PCLO: variants seen among roughly 807,000 people sequenced by gnomAD.
PCLO encodes protein piccolo.
PCLO carries 82 observed loss-of-function variants against 427.5 expected under a neutral mutation model. The ratio of observed to expected loss-of-function variants is 0.19; its 90% confidence interval spans 0.16 to 0.23. PCLO has a LOEUF of 0.23. Among genes scored for constraint, PCLO ranks in the 10% least tolerant of loss-of-function variants. The pLI is 1.00. For synonymous variants in PCLO, 2,357 were observed against 2,155.4 expected, an observed-to-expected ratio of 1.09 and a Z score of -2.59; for missense variants, 6,239 against 6,115.9, an observed-to-expected ratio of 1.02 and a Z score of -0.67.
intron 3 of PCLO, among the ~76,000 whole-genome samples, chr7:83,083,794 G>GC (rs1310090388): frequency 6.6e-6 from 1 of 152,070 alleles, no homozygotes; most frequent in African/African-American, 2.4e-5. Flanking sequence ...AAACATATTT[G>GC]CAACTATTGG....
chr7:83,124,835 G>C (rs755108803), intron 3 of PCLO, among the ~76,000 whole-genome samples: 8 of 151,996 alleles, frequency 5.3e-5, no homozygotes, highest in Non-Finnish European at 1.2e-4. Flanking sequence ...CTGCGATCTC[G>C]GCTCACTGCA....
intron 13 of PCLO, among the ~76,000 whole-genome samples, chr7:82,841,951 AC>A (rs1792378745): frequency 6.6e-6 from 1 of 152,000 alleles, no homozygotes. Context: ...AATGCTCAGC[AC>A]CTCCCTGCTC....
rs1795288887 is a variant in PCLO at position 82,949,763 on chromosome 7, T to A, written c.10825A>T (p.Thr3609Ser). Residue 3609 changes from threonine (T) to serine (S), a missense_variant, in exon 6 of 25, where the codon ACA becomes TCA. Thr to Ser is a moderately conservative substitution (Grantham distance 58, BLOSUM62 1). Coordinates refer to ENST00000333891, the MANE Select transcript of PCLO (RefSeq NM_033026.6). The stretch of plus-strand genomic sequence containing the variant: ...GGTGGGGAAGGAGCCAGCTGTACTG[T>A]GGAATCTGCCCGGAGGTGAGATGAA... ...GYSSHLRADS[T>S]VQLAPSPPKS... 6.2e-7 allele frequency: 1 copy of A among 1,613,694 alleles called. No homozygotes were observed. Among genetic ancestry groups the A allele is most frequent in the Admixed American group, 1.7e-5 (1 of 59,988 alleles).
In PCLO at chr7:82,915,730, G is replaced by A. The variant is rs144049676; in HGVS notation, c.12256C>T (p.Arg4086Cys). 14 of 1,611,972 alleles carry A rather than the reference G, an allele frequency of 8.7e-6. No homozygotes were observed. The highest frequency in any genetic ancestry group is 1.7e-5 in the Admixed American group (1 of 59,696). Reference protein sequence around the residue: ...TDRLLRTTETRRSQEVTDFLA... With the variant: ...TDRLLRTTETCRSQEVTDFLA... Reference sequence around the variant, plus strand: ...AAATCTGTCACTTCTTGAGACCGGCGTGTCTCAGTGGTTCGAAGGAGACGG... The same window carrying A: ...AAATCTGTCACTTCTTGAGACCGGCATGTCTCAGTGGTTCGAAGGAGACGG... Residue 4086 changes from arginine to cysteine, a missense_variant, in exon 7 of 25, where the codon CGC becomes TGC. Transcript: ENST00000333891.
chr7:82,813,064 A>G (rs1791605904), intron 20 of PCLO, among the ~76,000 whole-genome samples: 1 of 151,756 alleles, frequency 6.6e-6, no homozygotes, highest in Non-Finnish European at 1.5e-5. Context: ...GATAACAAGA[A>G]TGCTGTCCTT....
intron 3 of PCLO, among the ~76,000 whole-genome samples, chr7:83,129,416 G>A (rs1791517319): frequency 6.6e-6 from 1 of 151,880 alleles, no homozygotes; most frequent in African/African-American, 2.4e-5. Flanking sequence ...AAAATATAAG[G>A]CAAAGGAACA....
intron 3 of PCLO, among the ~76,000 whole-genome samples, chr7:82,989,111 AC>A (rs1165272344): frequency 6.6e-6 from 1 of 152,144 alleles, no homozygotes; most frequent in Non-Finnish European, 1.5e-5. Context: ...GGCATGAGCC[AC>A]TGCGCTTGGC....
At chr7:83,051,707 A>C (rs960179521) in intron 3 of PCLO, among the ~76,000 whole-genome samples, 1 of 152,162 alleles carries the variant, frequency 6.6e-6, no homozygotes, top group African/African-American at 2.4e-5. Context: ...AACTAATTCT[A>C]AAGTTTGTAT....
At chr7:83,112,241 A>G (rs1791022469) in intron 3 of PCLO, among the ~76,000 whole-genome samples, 1 of 152,086 alleles carries the variant, frequency 6.6e-6, no homozygotes, top group South Asian at 2.1e-4. Context: ...TACTTTTAGT[A>G]GAGATAGGGT....
chr7:82,922,714 C>T (rs910755417), intron 6 of PCLO, among the ~76,000 whole-genome samples: 2 of 152,040 alleles, frequency 1.3e-5, no homozygotes, highest in Admixed American at 6.6e-5. Context: ...CAAACCTGCA[C>T]ATGTACCCTC....
intron 16 of PCLO, among the ~76,000 whole-genome samples, chr7:82,832,228 C>A (rs1183875448): frequency 1.3e-5 from 2 of 151,964 alleles, no homozygotes; most frequent in Non-Finnish European, 1.5e-5. Context: ...AAACTTCACC[C>A]TCTTGAAGTT....
intron 2 of PCLO, among the ~76,000 whole-genome samples, chr7:83,151,382 T>A (rs980407308): frequency 6.6e-6 from 1 of 152,058 alleles, no homozygotes; most frequent in Admixed American, 6.5e-5. Flanking sequence ...TGCCATATAT[T>A]GCAACTTTAA....
chr7:82,861,155 T>A (rs535899417), intron 10 of PCLO, among the ~76,000 whole-genome samples: 1 of 151,996 alleles, frequency 6.6e-6, no homozygotes, highest in East Asian at 1.9e-4. Flanking sequence ...TCAAAAGATA[T>A]AGAGTGGCTG....
At chr7:83,061,221 T>C (rs1038690381) in intron 3 of PCLO, among the ~76,000 whole-genome samples, 2 of 152,196 alleles carry the variant, frequency 1.3e-5, no homozygotes, top group Middle Eastern at 3.2e-3. Context: ...TTGGGTCCTT[T>C]TCCCCCATTC....
intron 3 of PCLO, among the ~76,000 whole-genome samples, chr7:83,029,353 T>A (rs1403582170): frequency 6.7e-6 from 1 of 150,180 alleles, no homozygotes; most frequent in Non-Finnish European, 1.5e-5. Flanking sequence ...AAAAAACACA[T>A]GAAAAAATGC....
chr7:82,923,393 A>G (rs1238490550), intron 6 of PCLO, among the ~76,000 whole-genome samples: 1 of 152,078 alleles, frequency 6.6e-6, no homozygotes, highest in African/African-American at 2.4e-5. Context: ...AAATACAGAA[A>G]AAAAAAGTTC....
At position 83,135,126 on chromosome 7, in the gene PCLO, T is replaced by C. The variant is rs897684201; in HGVS notation, c.2424A>G (p.Pro808=). The C allele has an allele frequency of 8.1e-6, 13 of 1,613,770 alleles. No homozygotes were observed. Among genetic ancestry groups the C allele is most frequent in the Non-Finnish European group, 1.1e-5 (13 of 1,179,736 alleles). Residue 808 remains proline (P), a synonymous_variant, in exon 3 of 25, where the codon CCA becomes CCG. Coordinates refer to ENST00000333891, the MANE Select transcript of PCLO (RefSeq NM_033026.6). Reference sequence around the variant, plus strand: ...CAAATGGGCTGACTTTTTCCCCTGTTGGTGGAAAACTCTGTGAGGGTTTGG... The same window carrying C: ...CAAATGGGCTGACTTTTTCCCCTGTCGGTGGAAAACTCTGTGAGGGTTTGG... ...DSAKPSQSFP[P]TGEKVSPFDS...
chr7:83,162,405 G>C lies in PCLO; in HGVS notation c.188C>G (p.Ala63Gly). ...RRQIAAVMSRAQGLPKGSVPP... is the reference protein window; with the variant it reads ...RRQIAAVMSRGQGLPKGSVPP... ...GACGCTTCCCTTGGGCAGCCCCTGC[G>C]CCCTTGACATGACAGCGGCGATCTG... Residue 63 changes from alanine to glycine, a missense_variant, in exon 1 of 25, where the codon GCG (alanine) becomes GGG (glycine). Ala to Gly is a moderately conservative substitution (Grantham distance 60). This residue lies in a region of PCLO where 4,677 missense variants were observed against 4,468.4 expected (regional missense o/e 1.05). Coordinates refer to ENST00000333891, the MANE Select transcript of PCLO (RefSeq NM_033026.6). 1 of 1,598,588 alleles carries C rather than the reference G, an allele frequency of 6.3e-7. No individual in the cohort carries two copies. The highest frequency in any genetic ancestry group is 8.5e-7 in the Non-Finnish European group (1 of 1,172,502).
chr7:82,910,002 A>G (rs1794284436), intron 7 of PCLO, among the ~76,000 whole-genome samples: 1 of 152,098 alleles, frequency 6.6e-6, no homozygotes, highest in South Asian at 2.1e-4. Flanking sequence ...ATGACTGAAC[A>G]TCTTATTTTC....
Sources: gnomAD v4.1 joint callset for allele counts (sites outside exome capture counted in the v4.1 genomes callset) on GRCh38, gnomAD v4.1.1 for gene constraint, gnomAD v4.1.1 regional missense constraint, MANE v1.5 for transcripts, NCBI Gene and HGNC (gene_info 2026-07-23, HGNC 2026-07-21) for gene names.